The following UGCG variants were observed in gnomAD, a reference collection of about 807,000 sequenced individuals.
The protein encoded by UGCG is ceramide glucosyltransferase.
UGCG carries 10 observed loss-of-function variants against 49.5 expected under a neutral mutation model. The observed-to-expected ratio is 0.20, with a 90% CI of 0.12 to 0.34. The LOEUF is 0.34. Ranked by LOEUF, UGCG falls within the 10% of genes least tolerant of loss-of-function variation. The pLI is 1.00. For synonymous variants in UGCG, 182 were observed against 158.2 expected (o/e 1.15, Z -1.13); for missense variants, 312 against 483.7 (o/e 0.65, Z 3.33).
rs954390072 is a variant in UGCG at position 111,933,227 on chromosome 9, T to C, written c.*230T>C. 3 of 292,770 alleles carry C rather than the reference T, an allele frequency of 1.0e-5. No homozygotes were observed. The highest frequency in any genetic ancestry group is 1.8e-5 in the Non-Finnish European group (3 of 168,324). The allele number at this position is 292,770 out of a possible 1,614,324, so 18.1% of individuals were successfully genotyped here. On this transcript the variant is annotated 3_prime_UTR_variant, in exon 9 of 9. Transcript: ENST00000374279. ...TTGTGGAAGTAGAGAATCAAGAGAA[T>C]TGGTTCTAGGAACCTGGGTTCGTTC...
intron 4 of UGCG, among the ~76,000 whole-genome samples, chr9:111,925,423 A>C (rs1366862980): frequency 6.6e-6 from 1 of 152,232 alleles, no homozygotes; most frequent in Non-Finnish European, 1.5e-5. Flanking sequence ...AATTGCCTTA[A>C]GCTTCTCAAC....
At chr9:111,906,552 C>G (rs911751282) in intron 1 of UGCG, among the ~76,000 whole-genome samples, 4 of 152,164 alleles carry the variant, frequency 2.6e-5, no homozygotes, top group African/African-American at 9.7e-5. Flanking sequence ...GCCTCAGCCT[C>G]CCGACTAGCT....
chr9:111,897,327 C>T lies in UGCG; in HGVS notation c.98+14C>T. On this transcript the variant is annotated intron_variant, in intron 1 of 8. Coordinates refer to ENST00000374279, the MANE Select transcript of UGCG (RefSeq NM_003358.3). ...TATCATCTACACGTGAGTGAGGGAC[C>T]GCAGGAGGGGCTCGGGGCAGGGGTC... 6.5e-7 allele frequency: 1 copy of T among 1,547,116 alleles called. No individual in the cohort carries two copies. The highest frequency in any genetic ancestry group is 8.7e-7 in the Non-Finnish European group (1 of 1,145,364).
At chr9:111,931,389 TA>T (rs1279388945) in intron 7 of UGCG, 32 bp downstream of exon 7, 2 of 1,603,998 alleles carry the variant, frequency 1.2e-6, no homozygotes, top group Non-Finnish European at 1.7e-6. Flanking sequence ...TATACTTCGT[TA>T]AAAGGAAAGT....
At chr9:111,902,770 G>A (rs1006362749) in intron 1 of UGCG, among the ~76,000 whole-genome samples, 1 of 150,694 alleles carries the variant, frequency 6.6e-6, no homozygotes. Flanking sequence ...GAAACCTAGA[G>A]TGAAATTCTC....
At chr9:111,921,041 T>C (rs540184325) in intron 2 of UGCG, among the ~76,000 whole-genome samples, 46 of 152,178 alleles carry the variant, frequency 3.0e-4, no homozygotes, top group Non-Finnish European at 4.6e-4. Flanking sequence ...TAGCTGGGAT[T>C]ATAGGCGCGT....
At chr9:111,922,112 C>A (rs1838232810) in intron 2 of UGCG, among the ~76,000 whole-genome samples, 1 of 151,996 alleles carries the variant, frequency 6.6e-6, no homozygotes, top group Non-Finnish European at 1.5e-5. Context: ...CGTGCCCAGC[C>A]CCAGGGTAAT....
rs1298683484 is a variant in UGCG, at chr9:111,897,158, G to A, written c.-58G>A. 6.8e-7 allele frequency: 1 copy of A among 1,477,464 alleles called. No individual in the cohort carries two copies. Among genetic ancestry groups the A allele is most frequent in the Non-Finnish European group, 9.1e-7 (1 of 1,099,138 alleles). 91.5% of individuals were successfully genotyped at this position (1,477,464 alleles called of 1,614,324 possible). A position where few individuals can be genotyped will look rare whatever the true frequency, so the allele number is the denominator to read the frequency against. ...GGCGCCCACCCTGTCCTCCTCCTGCGGGAGCGTTGTCCGTGTTGGCGGCCG... is the reference window on the plus strand; with the variant it reads ...GGCGCCCACCCTGTCCTCCTCCTGCAGGAGCGTTGTCCGTGTTGGCGGCCG... On this transcript the variant is annotated 5_prime_UTR_variant, in exon 1 of 9. Transcript: ENST00000374279.
At position 111,924,773 on chromosome 9, in the gene UGCG, T is replaced by C. The variant is rs1482084605; in HGVS notation, c.344-4T>C. 3 of 1,509,856 alleles carry C rather than the reference T, an allele frequency of 2.0e-6. No individual in the cohort carries two copies. The East Asian group carries it at 7.4e-5, about 37-fold the overall frequency. 93.5% of individuals were successfully genotyped at this position (1,509,856 alleles called of 1,614,324 possible). On this transcript the variant is annotated splice_polypyrimidine_tract_variant and splice_region_variant and intron_variant, in intron 3 of 8. Transcript: ENST00000374279. ...CTTTTACTACTGTACCTTTACATTT[T>C]TAGGTGGCAAAAAAGTTGGCATTAA... is the stretch of plus-strand genomic sequence containing the variant.
At chr9:111,912,202 G>GT (rs2118529844) in intron 1 of UGCG, among the ~76,000 whole-genome samples, 2 of 151,802 alleles carry the variant, frequency 1.3e-5, no homozygotes, top group African/African-American at 4.8e-5. Flanking sequence ...TTAGATCGTG[G>GT]TTTTACCTGT....
At chr9:111,916,512 T>C (rs1324988961) in intron 2 of UGCG, among the ~76,000 whole-genome samples, 1 of 152,072 alleles carries the variant, frequency 6.6e-6, no homozygotes, top group Non-Finnish European at 1.5e-5. Flanking sequence ...CTTTGTCACC[T>C]AGGCTGGAGC....
At chr9:111,901,949 C>A (rs991363009) in intron 1 of UGCG, among the ~76,000 whole-genome samples, 1 of 152,172 alleles carries the variant, frequency 6.6e-6, no homozygotes, top group African/African-American at 2.4e-5. Flanking sequence ...AAAATCTTAC[C>A]ATGAATCCTC....
Position 111,933,591 on chromosome 9 carries a change from A to G in UGCG, c.*594A>G, listed in dbSNP as rs191036085. On this transcript the variant is annotated 3_prime_UTR_variant, in exon 9 of 9. Coordinates refer to ENST00000374279, the MANE Select transcript of UGCG (RefSeq NM_003358.3). ...AGGCCTTGCAGAAACAAACAGAAAA[A>G]CTTAAAAAAAAATGATATAAGAGCT... 1 of 152,180 alleles carries G rather than the reference A, an allele frequency of 6.6e-6. No homozygotes were observed. The highest frequency in any genetic ancestry group is 1.9e-4 in the East Asian group (1 of 5,182). The allele number at this position is 152,180 out of a possible 1,614,324, so 9.4% of individuals were successfully genotyped here. A position where few individuals can be genotyped will look rare whatever the true frequency, so the allele number is the denominator to read the frequency against.
intron 8 of UGCG, 85 bp downstream of exon 8, chr9:111,932,444 C>A: frequency 7.5e-7 from 1 of 1,329,236 alleles, no homozygotes; most frequent in Non-Finnish European, 1.0e-6. Flanking sequence ...GGAAATGTAT[C>A]TGAGCCATTC....
chr9:111,925,530 C>T (rs536260903), intron 4 of UGCG, among the ~76,000 whole-genome samples: 2 of 152,196 alleles, frequency 1.3e-5, no homozygotes, highest in Admixed American at 1.3e-4. Flanking sequence ...CAGTAGTACC[C>T]CCTTCTCAGT....
At position 111,932,218 on chromosome 9, in the gene UGCG, G is replaced by C; in HGVS notation, c.873G>C (p.Glu291Asp). 6.2e-7 allele frequency: 1 copy of C among 1,614,114 alleles called. No homozygotes were observed. The highest frequency in any genetic ancestry group is 8.5e-7 in the Non-Finnish European group (1 of 1,180,022). The change falls in exon 8 of 9, where the codon GAG becomes GAC. Residue 291 changes from glutamate to aspartate, a missense_variant. By Grantham distance (45) the Glu-to-Asp change is conservative. Coordinates refer to ENST00000374279, the MANE Select transcript of UGCG (RefSeq NM_003358.3). Reference sequence around the variant, plus strand: ...TGCTTCCTGCTACAATAATTTGTGAGCCAATTTCAGAATGCTTTGTTGCCA... The same window carrying C: ...TGCTTCCTGCTACAATAATTTGTGACCCAATTTCAGAATGCTTTGTTGCCA... The part of the protein sequence containing the change: ...INMLPATIIC[E>D]PISECFVASL...
intron 1 of UGCG, among the ~76,000 whole-genome samples, chr9:111,912,999 A>G (rs940654389): frequency 2.0e-5 from 3 of 152,174 alleles, no homozygotes; most frequent in African/African-American, 7.2e-5. Flanking sequence ...GACCAAGCCC[A>G]TGGCTAAGTG....
At chr9:111,907,918 C>T (rs187313526) in intron 1 of UGCG, among the ~76,000 whole-genome samples, 13 of 152,250 alleles carry the variant, frequency 8.5e-5, no homozygotes, top group Non-Finnish European at 1.3e-4. Context: ...CGTGAGCCAC[C>T]GCACCCAGCC....
intron 5 of UGCG, chr9:111,929,204 C>T: frequency 3.8e-6 from 1 of 259,796 alleles, no homozygotes; most frequent in South Asian, 5.2e-5. Context: ...TTTACATGAA[C>T]ACCCTAAAAA....
Sources: gnomAD v4.1 joint callset for allele counts (sites outside exome capture counted in the v4.1 genomes callset) on GRCh38, gnomAD v4.1.1 for gene constraint, MANE v1.5 for transcripts, NCBI Gene and HGNC (gene_info 2026-07-23, HGNC 2026-07-21) for gene names.